Variants in CLEC16A observed in about 807,000 individuals in gnomAD.
The protein encoded by CLEC16A is protein CLEC16A.
In CLEC16A, 51 loss-of-function variants were observed where a neutral mutation model predicts 109.5. The observed-to-expected ratio is 0.47, with a 90% CI of 0.37 to 0.59. The LOEUF (loss-of-function observed/expected upper bound fraction) is 0.59. Ranked by LOEUF, CLEC16A falls within the 20% of genes least tolerant of loss-of-function variation. The pLI, the probability that CLEC16A is intolerant of heterozygous loss-of-function variation, is 0.00. For synonymous variants in CLEC16A, 673 were observed against 564.2 expected, an observed-to-expected ratio of 1.19 and a Z score of -2.73; for missense variants, 1,339 against 1,394.0, an observed-to-expected ratio of 0.96 and a Z score of 0.63.
intron 19 of CLEC16A, among the ~76,000 whole-genome samples, chr16:11,118,878 A>G (rs1412629139): frequency 6.6e-6 from 1 of 152,204 alleles, no homozygotes; most frequent in Non-Finnish European, 1.5e-5. Flanking sequence ...TCTCAGCACC[A>G]TTTATTGAAG....
intron 1 of CLEC16A, among the ~76,000 whole-genome samples, chr16:10,948,573 C>T (rs774951791): frequency 5.9e-5 from 9 of 152,226 alleles, no homozygotes; most frequent in Non-Finnish European, 1.0e-4. Flanking sequence ...TTACCAGGGA[C>T]TGCAAGTCTG....
intron 22 of CLEC16A, among the ~76,000 whole-genome samples, chr16:11,152,545 G>T (rs1046673466): frequency 6.6e-6 from 1 of 152,252 alleles, no homozygotes; most frequent in African/African-American, 2.4e-5. Flanking sequence ...ACCTGTCAGA[G>T]CAGGGCCAGT....
In CLEC16A at chr16:11,037,585, C is replaced by G. The variant is rs906703573; in HGVS notation, c.1538-2169C>G. Among the ~76,000 whole-genome samples, 3 of 152,192 alleles carry G rather than the reference C, an allele frequency of 2.0e-5. No individual in the cohort carries two copies. In the South Asian group the frequency reaches 6.2e-4, roughly 31 times the overall value. On this transcript the variant is annotated intron_variant, in intron 13 of 23. Transcript: ENST00000409790. ...CGGAGGGGCAATGATAGGAAAGAAA[C>G]AAAATGGACCTCTCTCTGGAAATTC...
At chr16:11,133,685 G>T (rs1387187748) in intron 22 of CLEC16A, among the ~76,000 whole-genome samples, 1 of 152,206 alleles carries the variant, frequency 6.6e-6, no homozygotes, top group Non-Finnish European at 1.5e-5. Context: ...GTCATCTCAT[G>T]GTGGCATTTT....
chr16:11,159,341 A>G (rs1013408112), intron 22 of CLEC16A, among the ~76,000 whole-genome samples: 1 of 152,228 alleles, frequency 6.6e-6, no homozygotes, highest in African/African-American at 2.4e-5. Context: ...AGGGAAACAG[A>G]TGACAGATAG....
At chr16:11,177,612 A>G (rs1190505405) in intron 23 of CLEC16A, among the ~76,000 whole-genome samples, 1 of 151,906 alleles carries the variant, frequency 6.6e-6, no homozygotes, top group African/African-American at 2.4e-5. Context: ...GAAAAAAAAA[A>G]AAAAAAGCAC....
At chr16:11,136,600 A>G (rs1032243536) in intron 22 of CLEC16A, among the ~76,000 whole-genome samples, 10 of 152,192 alleles carry the variant, frequency 6.6e-5, no homozygotes, top group African/African-American at 1.9e-4. Flanking sequence ...GTCAATTACA[A>G]AGACATGCTG....
Position 11,039,791 on chromosome 16 carries a change from C to A in CLEC16A, c.1575C>A (p.Pro525=). The A allele has an allele frequency of 6.2e-7, 1 of 1,608,008 alleles. No individual in the cohort carries two copies. The highest frequency in any genetic ancestry group is 8.5e-7 in the Non-Finnish European group (1 of 1,177,408). Residue 525 remains proline, a synonymous_variant, in exon 14 of 24, where the codon CCC becomes CCA. Transcript: ENST00000409790. ...DPEKLERIQL[P]VPNAAEKTTY... ...AAAAATTAGAGCGAATCCAGCTCCC[C>A]GTGCCAAATGCGGCCGAGAAGACCA...
At chr16:11,175,532 C>T (rs1375696835) in intron 23 of CLEC16A, among the ~76,000 whole-genome samples, 1 of 152,238 alleles carries the variant, frequency 6.6e-6, no homozygotes, top group Non-Finnish European at 1.5e-5. Flanking sequence ...CAATGAAAAC[C>T]TGGCAGAGTT....
intron 18 of CLEC16A, among the ~76,000 whole-genome samples, chr16:11,059,168 G>T (rs1037312659): frequency 1.3e-5 from 2 of 152,146 alleles, no homozygotes; most frequent in African/African-American, 2.4e-5. Context: ...TTACAATAAG[G>T]TGCCCACAGT....
rs562889748 is a variant in CLEC16A, at chr16:10,983,692, T to C, written c.1071+701T>C. 9.2e-5 allele frequency among the ~76,000 whole-genome samples: 14 copies of C among 152,242 alleles called. No individual in the cohort carries two copies. The South Asian group carries it at 2.9e-3, about 32-fold the overall frequency. The stretch of plus-strand genomic sequence containing the variant: ...CATCTTGTCCTCTGTATATCTCTGC[T>C]GTCATCTCTCAGATCCTGCTCACAT... On this transcript the variant is annotated intron_variant, in intron 10 of 23. Transcript: ENST00000409790.
intron 3 of CLEC16A, among the ~76,000 whole-genome samples, chr16:10,963,159 A>G (rs529330098): frequency 9.9e-5 from 15 of 152,122 alleles, no homozygotes; most frequent in Non-Finnish European, 1.9e-4. Context: ...CTTGCTGTGC[A>G]TGGCCTTTCA....
chr16:11,167,505 G>A (rs975814273), intron 23 of CLEC16A, among the ~76,000 whole-genome samples: 1 of 152,106 alleles, frequency 6.6e-6, no homozygotes, highest in Non-Finnish European at 1.5e-5. Context: ...CAGGGAGGTC[G>A]AGGGCCCTTG....
intron 19 of CLEC16A, among the ~76,000 whole-genome samples, chr16:11,093,463 G>A (rs1032558236): frequency 3.9e-5 from 6 of 152,296 alleles, no homozygotes; most frequent in Non-Finnish European, 8.8e-5. Flanking sequence ...TGTACAGGCC[G>A]GGAGCATGCC....
Position 11,129,214 on chromosome 16 carries a change from GATTAT to G in CLEC16A, c.2641+3072_2641+3076del, listed in dbSNP as rs554802030. ...AACTTAAAGAGCTTTCATTTAGATA[GATTAT>G]ATTTATAGATATTTATGACATTAGA... On this transcript the variant is annotated intron_variant, in intron 22 of 23. Coordinates refer to ENST00000409790, the MANE Select transcript of CLEC16A (RefSeq NM_015226.3). Among the ~76,000 whole-genome samples the G allele has an allele frequency of 8.5e-5, 13 of 152,258 alleles. No individual in the cohort carries two copies. In the South Asian group the frequency reaches 2.5e-3, roughly 29 times the overall value.
chr16:11,168,885 G>A (rs1464412829), intron 23 of CLEC16A, among the ~76,000 whole-genome samples: 2 of 152,240 alleles, frequency 1.3e-5, no homozygotes, highest in Non-Finnish European at 2.9e-5. Context: ...CTCAGAGTGC[G>A]ACTCAGCATT....
intron 7 of CLEC16A, 89 bp from the exon 8 acceptor site, chr16:10,977,136 C>A: frequency 8.2e-7 from 1 of 1,219,736 alleles, no homozygotes; most frequent in Non-Finnish European, 1.2e-6. Flanking sequence ...TGGATGAACT[C>A]ACAGTGACCT....
intron 22 of CLEC16A, among the ~76,000 whole-genome samples, chr16:11,161,956 T>C (rs1285411612): frequency 2.0e-5 from 3 of 152,166 alleles, no homozygotes; most frequent in Admixed American, 1.3e-4. Flanking sequence ...TGGGGAAAGC[T>C]TAAAGACCTG....
chr16:11,164,904 G>A (rs1167745520), intron 22 of CLEC16A, among the ~76,000 whole-genome samples: 1 of 152,214 alleles, frequency 6.6e-6, no homozygotes, highest in East Asian at 1.9e-4. Flanking sequence ...TGAAGTTCAG[G>A]CAGGGCAGGT....
Sources: allele counts gnomAD v4.1 joint callset (sites outside exome capture counted in the v4.1 genomes callset), GRCh38; gene constraint gnomAD v4.1.1; transcripts MANE v1.5; gene names NCBI Gene and HGNC (gene_info 2026-07-23, HGNC 2026-07-21).